STXBP5L: variants seen among roughly 807,000 people sequenced by gnomAD.
STXBP5L encodes syntaxin-binding protein 5-like.
A neutral mutation model predicts 144.5 loss-of-function variants in STXBP5L; 65 were observed. The observed-to-expected ratio is 0.45, with a 90% CI of 0.37 to 0.55. STXBP5L has a LOEUF of 0.55. Among genes scored for constraint, STXBP5L ranks in the 20% least tolerant of loss-of-function variants. The pLI, the probability that STXBP5L is intolerant of heterozygous loss-of-function variation, is 0.00. For missense variants in STXBP5L, 1,298 were observed against 1,405.5 expected (o/e 0.92, Z 1.22); for synonymous variants, 505 against 469.6 (o/e 1.08, Z -0.97).
intron 18 of STXBP5L, among the ~76,000 whole-genome samples, chr3:121,275,102 T>A (rs1177222001): frequency 7.9e-5 from 12 of 152,210 alleles, no homozygotes; most frequent in African/African-American, 2.4e-5. Flanking sequence ...TCTACCAATA[T>A]CTAGGTCTGT....
intron 2 of STXBP5L, among the ~76,000 whole-genome samples, chr3:120,931,389 C>T (rs1160932639): frequency 6.6e-6 from 1 of 152,086 alleles, no homozygotes; most frequent in Non-Finnish European, 1.5e-5. Flanking sequence ...GTTATCACTA[C>T]CCAGACATGA....
chr3:121,019,525 C>T (rs1313196333), intron 3 of STXBP5L, among the ~76,000 whole-genome samples: 2 of 152,212 alleles, frequency 1.3e-5, no homozygotes, highest in Non-Finnish European at 1.5e-5. Flanking sequence ...ACTTCACTCC[C>T]CTGCCATCTC....
At chr3:121,356,225 A>G (rs1268128789) in intron 20 of STXBP5L, among the ~76,000 whole-genome samples, 3 of 152,206 alleles carry the variant, frequency 2.0e-5, no homozygotes, top group Non-Finnish European at 2.9e-5. Context: ...CTCTCTTCAG[A>G]GCTATCAGAC....
intron 12 of STXBP5L, 40 bp downstream of exon 12, chr3:121,233,728 T>TAA: frequency 7.1e-7 from 1 of 1,404,392 alleles, no homozygotes; most frequent in South Asian, 1.3e-5. Context: ...TTAAACTCTA[T>TAA]TTATTTTAGA....
chr3:120,982,337 A>G (rs934260281), intron 3 of STXBP5L, among the ~76,000 whole-genome samples: 3 of 152,150 alleles, frequency 2.0e-5, no homozygotes, highest in Admixed American at 2.0e-4. Context: ...ATCCAAGCTC[A>G]CCCATGAATA....
chr3:121,285,868 CT>C (rs1425644986), intron 19 of STXBP5L, among the ~76,000 whole-genome samples: 1 of 151,952 alleles, frequency 6.6e-6, no homozygotes, highest in Non-Finnish European at 1.5e-5. Context: ...AAAAGTGATT[CT>C]ATAAATGTTA....
chr3:121,167,608 T>C (rs2046546603), intron 9 of STXBP5L, among the ~76,000 whole-genome samples: 1 of 152,030 alleles, frequency 6.6e-6, no homozygotes, highest in Admixed American at 6.5e-5. Flanking sequence ...AAAACATCTG[T>C]AGCCAGACTG....
intron 3 of STXBP5L, among the ~76,000 whole-genome samples, chr3:121,001,176 G>A (rs978069619): frequency 4.9e-4 from 74 of 152,346 alleles, no homozygotes; most frequent in Middle Eastern, 3.4e-3. Context: ...TACTGGCATA[G>A]CCATTGGGGA....
At chr3:121,376,535 A>G (rs979566775) in intron 20 of STXBP5L, among the ~76,000 whole-genome samples, 16 of 152,118 alleles carry the variant, frequency 1.1e-4, no homozygotes, top group Admixed American at 9.8e-4. Flanking sequence ...CAAAGATCAG[A>G]TGGTTGTAGA....
chr3:120,993,020 G>T (rs748566019), intron 3 of STXBP5L, among the ~76,000 whole-genome samples: 4 of 152,098 alleles, frequency 2.6e-5, no homozygotes, highest in Non-Finnish European at 5.9e-5. Context: ...ATATCTCATT[G>T]TGGTTTTGAT....
At chr3:121,006,077 G>T (rs1358900027) in intron 3 of STXBP5L, among the ~76,000 whole-genome samples, 1 of 152,130 alleles carries the variant, frequency 6.6e-6, no homozygotes, top group Admixed American at 6.6e-5. Flanking sequence ...TCTGCTTGGT[G>T]CAGAGCTGAG....
chr3:121,113,743 G>A (rs1403020505), intron 5 of STXBP5L, among the ~76,000 whole-genome samples: 1 of 141,120 alleles, frequency 7.1e-6, no homozygotes, highest in Non-Finnish European at 1.5e-5. Context: ...GCACAGTCTC[G>A]GCTCATGGTA....
intron 2 of STXBP5L, among the ~76,000 whole-genome samples, chr3:120,938,382 T>C (rs997168738): frequency 6.6e-6 from 1 of 152,218 alleles, no homozygotes; most frequent in African/African-American, 2.4e-5. Flanking sequence ...TTAAATGTCT[T>C]TGTGCATCTT....
chr3:121,388,490 T>C (rs950020655), intron 22 of STXBP5L, among the ~76,000 whole-genome samples: 1 of 152,098 alleles, frequency 6.6e-6, no homozygotes, highest in South Asian at 2.1e-4. Flanking sequence ...AGGGAATGCT[T>C]CCAGTTTTTG....
intron 5 of STXBP5L, among the ~76,000 whole-genome samples, chr3:121,054,881 T>C (rs976365444): frequency 6.7e-6 from 1 of 148,974 alleles, no homozygotes; most frequent in Non-Finnish European, 1.5e-5. Flanking sequence ...TAGATCTGAC[T>C]GTATACTTTT....
chr3:121,333,470 G>A (rs1201387783), intron 20 of STXBP5L, among the ~76,000 whole-genome samples: 1 of 151,542 alleles, frequency 6.6e-6, no homozygotes, highest in Non-Finnish European at 1.5e-5. Flanking sequence ...AAAAAACTTA[G>A]AGGACCAAGA....
intron 5 of STXBP5L, among the ~76,000 whole-genome samples, chr3:121,068,916 T>C (rs1477404432): frequency 1.3e-5 from 2 of 152,222 alleles, no homozygotes; most frequent in African/African-American, 4.8e-5. Flanking sequence ...TATTTCATAA[T>C]AGTTGCAGAT....
At chr3:120,932,309 A>T (rs1197424027) in intron 2 of STXBP5L, among the ~76,000 whole-genome samples, 1 of 152,142 alleles carries the variant, frequency 6.6e-6, no homozygotes, top group Non-Finnish European at 1.5e-5. Context: ...TATTTACATG[A>T]TTTCTCTATT....
intron 20 of STXBP5L, among the ~76,000 whole-genome samples, chr3:121,373,099 G>A (rs531322860): frequency 5.3e-5 from 8 of 152,274 alleles, no homozygotes; most frequent in Non-Finnish European, 1.2e-4. Context: ...AGGTAACAAT[G>A]TATCAGGTAG....
Sources: gnomAD v4.1 joint callset for allele counts (sites outside exome capture counted in the v4.1 genomes callset) on GRCh38, gnomAD v4.1.1 for gene constraint, MANE v1.5 for transcripts, NCBI Gene and HGNC (gene_info 2026-07-23, HGNC 2026-07-21) for gene names.